GABRG3: variants seen among roughly 807,000 people sequenced by gnomAD.
GABRG3 encodes the protein gamma-aminobutyric acid type A receptor subunit gamma3, also known as gamma-aminobutyric acid receptor subunit gamma-3.
In GABRG3, 25 loss-of-function variants were observed where a neutral mutation model predicts 48.8. The observed-to-expected ratio is 0.51, with a 90% CI of 0.37 to 0.72. The LOEUF (loss-of-function observed/expected upper bound fraction) is 0.72. Ranked by LOEUF, GABRG3 falls within the 30% of genes least tolerant of loss-of-function variation. The probability of loss-of-function intolerance (pLI) is 0.00; values close to 1 mark genes in which losing one functional copy is unlikely to be tolerated. For missense variants in GABRG3, 394 were observed against 577.9 expected, an observed-to-expected ratio of 0.68 and a Z score of 3.26; for synonymous variants, 227 against 217.6, an observed-to-expected ratio of 1.04 and a Z score of -0.38.
intron 5 of GABRG3, among the ~76,000 whole-genome samples, chr15:27,446,821 T>C (rs565605348): frequency 2.6e-5 from 4 of 152,264 alleles, no homozygotes; most frequent in East Asian, 1.9e-4. Flanking sequence ...TGGCCCTCCA[T>C]TGAGGCTCAG....
intron 2 of GABRG3, among the ~76,000 whole-genome samples, chr15:27,005,111 G>A (rs1055489995): frequency 6.6e-6 from 1 of 152,138 alleles, no homozygotes; most frequent in Non-Finnish European, 1.5e-5. Flanking sequence ...AACAGTTTTA[G>A]AAATTTTCTA....
chr15:27,280,933 A>G (rs1891413000), intron 3 of GABRG3, among the ~76,000 whole-genome samples: 1 of 152,146 alleles, frequency 6.6e-6, no homozygotes, highest in African/African-American at 2.4e-5. Context: ...AAAGCCTCCA[A>G]CTATAACAGT....
At position 27,348,504 on chromosome 15, in the gene GABRG3, G is replaced by T. The variant is rs971616066; in HGVS notation, c.574+19616G>T. On this transcript the variant is annotated intron_variant, in intron 5 of 9. Transcript: ENST00000615808. ...GATTCTCTTCATTTTTTCAGATAGGGATACTGAGGTTCAGGGTACATAAGT... is the reference window on the plus strand; with the variant it reads ...GATTCTCTTCATTTTTTCAGATAGGTATACTGAGGTTCAGGGTACATAAGT... 2.0e-5 allele frequency among the ~76,000 whole-genome samples: 3 copies of T among 152,152 alleles called. No individual in the cohort carries two copies. In the East Asian group the frequency reaches 5.8e-4, roughly 29 times the overall value.
chr15:27,446,616 C>T (rs1361778753), intron 5 of GABRG3, among the ~76,000 whole-genome samples: 1 of 151,912 alleles, frequency 6.6e-6, no homozygotes, highest in African/African-American at 2.4e-5. Flanking sequence ...TTTAATTAAT[C>T]TTATGTATTT....
In GABRG3 at chr15:27,339,147, T is replaced by C. The variant is rs144369966; in HGVS notation, c.574+10259T>C. Among the ~76,000 whole-genome samples the C allele has an allele frequency of 6.6e-4, 100 of 152,314 alleles. 6 individuals carry two copies. The East Asian group carries it at 0.018, about 28-fold the overall frequency. ...GAGTAAATCTCTAAATGGCAGCTTC[T>C]GCAAGGTGTCCACAGAGGCCCCGGG... On this transcript the variant is annotated intron_variant, in intron 5 of 9. Transcript: ENST00000615808.
intron 5 of GABRG3, 30 bp downstream of exon 5, chr15:27,328,918 A>G (rs1418501725): frequency 1.3e-6 from 2 of 1,581,392 alleles, no homozygotes; most frequent in South Asian, 1.1e-5. Context: ...CGGGGTGTGC[A>G]TGCTGTGTGA....
At chr15:27,348,252 T>C (rs1894445383) in intron 5 of GABRG3, among the ~76,000 whole-genome samples, 1 of 152,092 alleles carries the variant, frequency 6.6e-6, no homozygotes, top group Non-Finnish European at 1.5e-5. Flanking sequence ...CACTACTCAT[T>C]ATTGGAAGCA....
chr15:27,513,897 T>C (rs1020780412), intron 6 of GABRG3, among the ~76,000 whole-genome samples: 1 of 152,182 alleles, frequency 6.6e-6, no homozygotes, highest in African/African-American at 2.4e-5. Context: ...AAGAACTAAA[T>C]CTAACAAAAG....
chr15:27,030,564 C>T (rs1379483710), intron 3 of GABRG3, among the ~76,000 whole-genome samples: 1 of 152,220 alleles, frequency 6.6e-6, no homozygotes, highest in Non-Finnish European at 1.5e-5. Flanking sequence ...GTGTAGCATT[C>T]ATCAAAGAAA....
At chr15:27,150,289 A>G (rs552542949) in intron 3 of GABRG3, among the ~76,000 whole-genome samples, 1 of 152,298 alleles carries the variant, frequency 6.6e-6, no homozygotes, top group East Asian at 1.9e-4. Flanking sequence ...GGGGAGTGGG[A>G]GTGGCAAATG....
intron 5 of GABRG3, among the ~76,000 whole-genome samples, chr15:27,458,013 C>T (rs1053195832): frequency 3.3e-5 from 5 of 152,138 alleles, no homozygotes; most frequent in South Asian, 2.1e-4. Context: ...TTGGACGGTG[C>T]AGGAACTATG....
chr15:26,978,046 C>G (rs1894985174), intron 2 of GABRG3, among the ~76,000 whole-genome samples: 1 of 151,936 alleles, frequency 6.6e-6, no homozygotes, highest in Non-Finnish European at 1.5e-5. Context: ...AGGTTGATAC[C>G]TCATTGTTGT....
At chr15:27,439,343 G>T (rs897242099) in intron 5 of GABRG3, among the ~76,000 whole-genome samples, 1 of 152,174 alleles carries the variant, frequency 6.6e-6, no homozygotes, top group Non-Finnish European at 1.5e-5. Context: ...AAGTCTTATT[G>T]AAAACACTTG....
intron 3 of GABRG3, among the ~76,000 whole-genome samples, chr15:27,138,170 G>C (rs985515538): frequency 4.6e-5 from 7 of 152,164 alleles, no homozygotes; most frequent in African/African-American, 1.7e-4. Context: ...TATGCCTGTA[G>C]TTCAGAATAA....
chr15:27,293,447 GAGGGATCAC>G (rs1891862059), intron 3 of GABRG3, among the ~76,000 whole-genome samples: 1 of 135,658 alleles, frequency 7.4e-6, no homozygotes, highest in African/African-American at 3.8e-5. Context: ...CCAGCACTTT[GAGGGATCAC>G]TTGAGGCCAG....
At chr15:27,515,076 G>A (rs1425071630) in intron 6 of GABRG3, among the ~76,000 whole-genome samples, 1 of 150,444 alleles carries the variant, frequency 6.6e-6, no homozygotes, top group Non-Finnish European at 1.5e-5. Context: ...CTTTTTTAAT[G>A]TTTCTTAATT....
chr15:27,436,191 C>T (rs957880193), intron 5 of GABRG3, among the ~76,000 whole-genome samples: 15 of 152,156 alleles, frequency 9.9e-5, no homozygotes, highest in South Asian at 2.1e-4. Context: ...GCAGATTAGA[C>T]GTCTGGTGAG....
intron 3 of GABRG3, among the ~76,000 whole-genome samples, chr15:27,312,174 G>C (rs1179224535): frequency 1.3e-5 from 2 of 152,114 alleles, no homozygotes; most frequent in Non-Finnish European, 2.9e-5. Context: ...AAATTCACTT[G>C]AGGGGTTTAA....
intron 5 of GABRG3, among the ~76,000 whole-genome samples, chr15:27,428,775 G>A (rs1413006191): frequency 6.6e-6 from 1 of 152,176 alleles, no homozygotes; most frequent in Non-Finnish European, 1.5e-5. Flanking sequence ...AGGGCATGTG[G>A]TATTAGGTGT....
Sources: gnomAD v4.1 joint callset for allele counts (sites outside exome capture counted in the v4.1 genomes callset) on GRCh38, gnomAD v4.1.1 for gene constraint, MANE v1.5 for transcripts, NCBI Gene and HGNC (gene_info 2026-07-23, HGNC 2026-07-21) for gene names.